MAPK4: variants seen among roughly 807,000 people sequenced by gnomAD.
MAPK4 encodes the protein mitogen-activated protein kinase 4, also known as Erk3-related.
Under a neutral mutation model 47.7 loss-of-function variants are expected in MAPK4, and 22 were observed. The observed-to-expected ratio is 0.46, with a 90% CI of 0.33 to 0.66. MAPK4 has a LOEUF of 0.66. Ranked by LOEUF, MAPK4 falls within the 30% of genes least tolerant of loss-of-function variation. The probability of loss-of-function intolerance (pLI) is 0.02; values close to 1 mark genes in which losing one functional copy is unlikely to be tolerated. For missense variants in MAPK4, 736 were observed against 831.7 expected (o/e 0.88, Z 1.42); for synonymous variants, 390 against 365.7 (o/e 1.07, Z -0.76).
At chr18:50,705,252 CCATT>C (rs1909987708) in intron 2 of MAPK4, 1 of 152,936 alleles carries the variant, frequency 6.5e-6, no homozygotes, top group East Asian at 1.9e-4. Context: ...CGTTTTTACT[CCATT>C]CATTCACCCG....
chr18:50,720,099 C>T (rs1034942775), intron 3 of MAPK4, among the ~76,000 whole-genome samples: 21 of 152,174 alleles, frequency 1.4e-4, no homozygotes, highest in African/African-American at 4.8e-4. Flanking sequence ...ACCATAGTAT[C>T]CTCCATGCTT....
At chr18:50,572,097 GA>G (rs1357901084) in intron 1 of MAPK4, among the ~76,000 whole-genome samples, 1 of 152,194 alleles carries the variant, frequency 6.6e-6, no homozygotes, top group Non-Finnish European at 1.5e-5. Context: ...GTGAGAAAAT[GA>G]AAAATTTCTT....
At chr18:50,612,515 G>A (rs2042648173) in intron 1 of MAPK4, among the ~76,000 whole-genome samples, 1 of 152,176 alleles carries the variant, frequency 6.6e-6, no homozygotes, top group South Asian at 2.1e-4. Context: ...CATAGAACAA[G>A]AGCTGTATAT....
chr18:50,620,974 T>C (rs573610128), intron 1 of MAPK4, among the ~76,000 whole-genome samples: 1 of 152,178 alleles, frequency 6.6e-6, no homozygotes, highest in Admixed American at 6.5e-5. Flanking sequence ...TTTGACTTGC[T>C]AAGAAACAGG....
At chr18:50,633,746 C>T (rs2042853820) in intron 1 of MAPK4, among the ~76,000 whole-genome samples, 1 of 152,186 alleles carries the variant, frequency 6.6e-6, no homozygotes, top group Non-Finnish European at 1.5e-5. Context: ...ATCTGATACT[C>T]CTTTGTAGTC....
intron 4 of MAPK4, 116 bp downstream of exon 4, chr18:50,722,215 T>C: frequency 4.1e-6 from 5 of 1,217,618 alleles, no homozygotes; most frequent in Non-Finnish European, 5.6e-6. Flanking sequence ...TCCTTGGATA[T>C]AAAAGTCAAG....
At chr18:50,674,695 C>T (rs915075729) in intron 2 of MAPK4, among the ~76,000 whole-genome samples, 3 of 152,200 alleles carry the variant, frequency 2.0e-5, no homozygotes, top group Non-Finnish European at 4.4e-5. Flanking sequence ...TCACACCTTC[C>T]TCTGGCTGTG....
chr18:50,710,761 CAG>C (rs1274992124), intron 2 of MAPK4, among the ~76,000 whole-genome samples: 2 of 150,982 alleles, frequency 1.3e-5, no homozygotes, highest in Non-Finnish European at 2.9e-5. Context: ...GCCTGGGTGA[CAG>C]AGTGAGACTC....
intron 1 of MAPK4, among the ~76,000 whole-genome samples, chr18:50,582,027 C>A (rs2042350637): frequency 6.6e-6 from 1 of 152,172 alleles, no homozygotes; most frequent in Non-Finnish European, 1.5e-5. Flanking sequence ...CCTTTCCTTC[C>A]ACTGGGCCTC....
intron 1 of MAPK4, among the ~76,000 whole-genome samples, chr18:50,615,895 G>A (rs2042680541): frequency 6.6e-6 from 1 of 152,148 alleles, no homozygotes; most frequent in South Asian, 2.1e-4. Context: ...ATACCTTGGG[G>A]AAAAACTGGG....
At chr18:50,580,679 G>T (rs779932313) in intron 1 of MAPK4, among the ~76,000 whole-genome samples, 1 of 152,086 alleles carries the variant, frequency 6.6e-6, no homozygotes, top group Non-Finnish European at 1.5e-5. Flanking sequence ...GTCACTTAAG[G>T]GTGTTCTGCC....
chr18:50,654,050 T>G (rs1365012222), intron 1 of MAPK4, among the ~76,000 whole-genome samples: 1 of 152,174 alleles, frequency 6.6e-6, no homozygotes, highest in African/African-American at 2.4e-5. Context: ...ATGTCTGCCA[T>G]AGGCACAAAA....
intron 1 of MAPK4, among the ~76,000 whole-genome samples, chr18:50,564,187 T>C (rs1229883390): frequency 6.6e-6 from 1 of 150,690 alleles, no homozygotes; most frequent in African/African-American, 2.4e-5. Context: ...TTGGCCCTCA[T>C]ACATTCCACT....
At chr18:50,654,568 T>C (rs955230734) in intron 1 of MAPK4, among the ~76,000 whole-genome samples, 1 of 152,238 alleles carries the variant, frequency 6.6e-6, no homozygotes, top group East Asian at 1.9e-4. Context: ...ATCTCCTTCC[T>C]TTAAAAAGAG....
At chr18:50,660,165 A>G (rs1427258328) in intron 1 of MAPK4, among the ~76,000 whole-genome samples, 1 of 152,246 alleles carries the variant, frequency 6.6e-6, no homozygotes, top group Non-Finnish European at 1.5e-5. Flanking sequence ...CTCTGTAAAG[A>G]AACAGGAAAG....
rs1202778001 is a variant in MAPK4 at position 50,730,550 on chromosome 18, T to C, written c.*696T>C. ...CTCCCCAAGTACTTAAATGTTCTCA[T>C]CTGTCGCACCCCTGTATTTGCCTCA... On this transcript the variant is annotated 3_prime_UTR_variant, in exon 6 of 6. Transcript: ENST00000400384. 1 of 152,664 alleles carries C rather than the reference T, an allele frequency of 6.6e-6. No homozygotes were observed. The highest frequency in any genetic ancestry group is 1.5e-5 in the Non-Finnish European group (1 of 68,068). 9.5% of individuals were successfully genotyped at this position (152,664 alleles called of 1,614,324 possible).
At chr18:50,633,480 C>T (rs911393611) in intron 1 of MAPK4, among the ~76,000 whole-genome samples, 9 of 152,136 alleles carry the variant, frequency 5.9e-5, no homozygotes, top group South Asian at 2.1e-4. Flanking sequence ...CAAGTCCTGG[C>T]GCAGAGACTG....
chr18:50,708,498 C>T (rs921338942), intron 2 of MAPK4, among the ~76,000 whole-genome samples: 19 of 152,210 alleles, frequency 1.2e-4, no homozygotes, highest in African/African-American at 4.1e-4. Context: ...TGAACCGCAA[C>T]ATCAGCATCA....
At chr18:50,602,740 A>G (rs1419099628) in intron 1 of MAPK4, among the ~76,000 whole-genome samples, 1 of 152,322 alleles carries the variant, frequency 6.6e-6, no homozygotes, top group East Asian at 1.9e-4. Context: ...GTGATTGGTT[A>G]GAACGATTGT....
Sources: allele counts gnomAD v4.1 joint callset (sites outside exome capture counted in the v4.1 genomes callset), GRCh38; gene constraint gnomAD v4.1.1; transcripts MANE v1.5; gene names NCBI Gene and HGNC (gene_info 2026-07-23, HGNC 2026-07-21).